The following RIF1 variants were observed in gnomAD, a reference collection of about 807,000 sequenced individuals.
RIF1 encodes the protein replication timing regulatory factor 1.
A neutral mutation model predicts 247.1 loss-of-function variants in RIF1; 45 were observed. The ratio of observed to expected loss-of-function variants is 0.18; its 90% CI spans 0.14 to 0.23. The LOEUF (loss-of-function observed/expected upper bound fraction) is 0.23. Ranked by LOEUF, RIF1 falls within the 10% of genes least tolerant of loss-of-function variation. RIF1 has a pLI of 1.00. For missense variants in RIF1, 2,967 were observed against 2,862.5 expected, an observed-to-expected ratio of 1.04 and a Z score of -0.83; for synonymous variants, 1,087 against 978.8, an observed-to-expected ratio of 1.11 and a Z score of -2.06.
At chr2:151,458,520 C>G (rs915365329) in intron 24 of RIF1, among the ~76,000 whole-genome samples, 2 of 152,084 alleles carry the variant, frequency 1.3e-5, no homozygotes, top group Admixed American at 6.5e-5. Flanking sequence ...GTGTGAGCCA[C>G]TGTGCCCTGC....
At chr2:151,467,960 C>CT (rs779019876) in intron 30 of RIF1, 40 bp from the exon 31 acceptor site, 42 of 1,550,654 alleles carry the variant, frequency 2.7e-5, no homozygotes, top group Non-Finnish European at 3.5e-5. Context: ...TTTTTAAAAA[C>CT]TTTAATTTTG....
At chr2:151,494,896 C>T (rs1488387825) in intron 9 of RIF1, 1 of 152,848 alleles carries the variant, frequency 6.5e-6, no homozygotes, top group East Asian at 1.9e-4. Context: ...GATCCGCCCA[C>T]CTTGGCCTCC....
chr2:151,455,212 A>T (rs1271466908), intron 22 of RIF1, 53 bp downstream of exon 22: 1 of 1,359,964 alleles, frequency 7.4e-7, no homozygotes, highest in Non-Finnish European at 1.0e-6. Flanking sequence ...ATTTAAATAT[A>T]GGTAGCAACT....
rs1178471461 is a variant in RIF1 at position 151,504,554 on chromosome 2, A to G, written c.*861+1369A>G. Among the ~76,000 whole-genome samples the G allele has an allele frequency of 2.6e-5, 4 of 152,230 alleles. No individual in the cohort carries two copies. The East Asian group carries it at 5.8e-4, about 22-fold the overall frequency. Reference sequence around the variant, plus strand: ...GAGAAGGGAATGAGATCTAAATAATATGAACAACCTGCAAGAGAAATATCA... The same window carrying G: ...GAGAAGGGAATGAGATCTAAATAATGTGAACAACCTGCAAGAGAAATATCA... On this transcript the variant is annotated intron_variant and NMD_transcript_variant, in intron 12 of 13. Transcript: ENST00000454583.
chr2:151,499,466 T>A, exon 11 of RIF1: 1 of 783,916 alleles, frequency 1.3e-6, no homozygotes, highest in East Asian at 2.8e-5. Context: ...GTGGGGAACC[T>A]GGTATAAAAC....
In RIF1 at chr2:151,464,208, G is replaced by C; in HGVS notation, c.4688G>C (p.Gly1563Ala). ...GATAGTTCGGAGGCAAAAGAAGAAG[G>C]TTCTAGGAAGAAGAGATCTGGAAAA... is the stretch of plus-strand genomic sequence containing the variant. ...ESDSSEAKEEGSRKKRSGKWK... is the reference protein window; with the variant it reads ...ESDSSEAKEEASRKKRSGKWK... Residue 1563 changes from glycine (G) to alanine (A), a missense_variant, in exon 30 of 36, where the codon GGT becomes GCT. Physicochemically the swap from Gly to Ala is moderately conservative, Grantham distance 60. Coordinates refer to ENST00000444746, the MANE Select transcript of RIF1 (RefSeq NM_018151.5). 1 of 1,613,514 alleles carries C rather than the reference G, an allele frequency of 6.2e-7. No homozygotes were observed.
downstream of RIF1, among the ~76,000 whole-genome samples, chr2:151,510,680 T>TA (rs377412501): frequency 2.1e-3 from 325 of 152,360 alleles, no homozygotes; most frequent in Middle Eastern, 3.4e-3. Flanking sequence ...GTTAATCTCT[T>TA]ACTGTGCTAA....
At chr2:151,435,369 A>T in intron 10 of RIF1, 94 bp from the exon 11 acceptor site, 1 of 766,030 alleles carries the variant, frequency 1.3e-6, no homozygotes, top group Non-Finnish European at 2.2e-6. Flanking sequence ...GGAATATATT[A>T]AGGCTCCATT....
At chr2:151,473,292 C>CTTT (rs11305289) in intron 34 of RIF1, among the ~76,000 whole-genome samples, 1 of 125,958 alleles carries the variant, frequency 7.9e-6, no homozygotes, top group Non-Finnish European at 1.7e-5. Context: ...AAATTGTATC[C>CTTT]TTTTTTTTTT....
downstream of RIF1, among the ~76,000 whole-genome samples, chr2:151,484,333 G>A (rs2049358989): frequency 6.6e-6 from 1 of 152,238 alleles, no homozygotes; most frequent in South Asian, 2.1e-4. Flanking sequence ...CAGTGGCTCA[G>A]GCCTGTAATC....
chr2:151,434,680 T>A (rs1467626250), intron 10 of RIF1, among the ~76,000 whole-genome samples: 2 of 152,134 alleles, frequency 1.3e-5, no homozygotes, highest in Non-Finnish European at 2.9e-5. Context: ...GACTTTGTGA[T>A]CTGCCTGCCT....
At chr2:151,440,320 A>G (rs1331653890) in intron 15 of RIF1, among the ~76,000 whole-genome samples, 193 bp downstream of exon 15, 2 of 152,212 alleles carry the variant, frequency 1.3e-5, no homozygotes, top group African/African-American at 4.8e-5. Flanking sequence ...TAGTGACTAT[A>G]ACAACAGCCA....
the RIF1 span, among the ~76,000 whole-genome samples, chr2:151,515,477 A>G: frequency 6.6e-6 from 1 of 152,104 alleles, no homozygotes; most frequent in South Asian, 2.1e-4. Context: ...CCTGCTGAGT[A>G]GCTGGGACTA....
At chr2:151,421,115 T>C (rs1406298495) in intron 7 of RIF1, among the ~76,000 whole-genome samples, 1 of 152,248 alleles carries the variant, frequency 6.6e-6, no homozygotes, top group African/African-American at 2.4e-5. Context: ...ACATATTTAC[T>C]GGGCATCTGA....
rs564885343 is a variant in RIF1 at position 151,436,288 on chromosome 2, C to G, written c.1196-539C>G. 7.2e-5 allele frequency among the ~76,000 whole-genome samples: 11 copies of G among 152,072 alleles called. No individual in the cohort carries two copies. The South Asian group carries it at 2.3e-3, about 32-fold the overall frequency. The stretch of plus-strand genomic sequence containing the variant: ...AGGTGCAGTGGCAGGCACCTATAAT[C>G]TCAGCATTTAGGGGGCTGAGGTGGG... On this transcript the variant is annotated intron_variant, in intron 11 of 35. Coordinates refer to ENST00000444746, the MANE Select transcript of RIF1 (RefSeq NM_018151.5).
At chr2:151,471,451 A>G (rs932268455) in intron 34 of RIF1, among the ~76,000 whole-genome samples, 5 of 152,184 alleles carry the variant, frequency 3.3e-5, no homozygotes, top group African/African-American at 4.8e-5. Context: ...GCCCATGCCT[A>G]TGTCCCAAAT....
Position 151,443,620 on chromosome 2 carries a change from A to G in RIF1, c.1897A>G (p.Asn633Asp). ...AFSDSVLNVI[N>D]QNAKQLENKE... is the part of the protein sequence containing the mutation. Reference sequence around the variant, plus strand: ...CAGTGACTCAGTTTTAAATGTTATTAATCAAAATGCAAAGCAGTTGGAAAA... The same window carrying G: ...CAGTGACTCAGTTTTAAATGTTATTGATCAAAATGCAAAGCAGTTGGAAAA... Residue 633 changes from asparagine to aspartate, a missense_variant, in exon 18 of 36, where the codon AAT becomes GAT. This residue lies in a region of RIF1 where 369 missense variants were observed against 322.0 expected (regional missense o/e 1.15). Transcript: ENST00000444746. The G allele has an allele frequency of 1.2e-6, 2 of 1,612,694 alleles. No homozygotes were observed. Among genetic ancestry groups the G allele is most frequent in the Non-Finnish European group, 8.5e-7 (1 of 1,179,454 alleles).
At chr2:151,411,187 G>A (rs1686136363) in intron 2 of RIF1, 73 bp from the exon 3 acceptor site, 5 of 906,286 alleles carry the variant, frequency 5.5e-6, no homozygotes, top group Non-Finnish European at 8.8e-6. Context: ...TAAAAAGATT[G>A]TACATGTATT....
intron 3 of RIF1, 115 bp downstream of exon 3, chr2:151,411,453 A>G (rs1425269051): frequency 4.7e-6 from 3 of 639,494 alleles, no homozygotes; most frequent in African/African-American, 1.9e-5. Context: ...CGAGAGTGCA[A>G]TGGCTCAGGC....
Sources: gnomAD v4.1 joint callset for allele counts (sites outside exome capture counted in the v4.1 genomes callset) on GRCh38, gnomAD v4.1.1 for gene constraint, gnomAD v4.1.1 regional missense constraint, MANE v1.5 for transcripts, NCBI Gene and HGNC (gene_info 2026-07-23, HGNC 2026-07-21) for gene names.